METTL25: variants seen among roughly 807,000 people sequenced by gnomAD.
The protein encoded by METTL25 is probable methyltransferase-like protein 25.
METTL25 carries 64 observed loss-of-function variants against 71.6 expected under a neutral mutation model. The observed-to-expected ratio is 0.89, with a 90% CI of 0.73 to 1.10. METTL25 has a LOEUF of 1.10. Ranked by LOEUF, METTL25 falls within the 50% of genes least tolerant of loss-of-function variation. The pLI, the probability that METTL25 is intolerant of heterozygous loss-of-function variation, is 0.00. For synonymous variants in METTL25, 287 were observed against 250.3 expected (o/e 1.15, Z -1.38); for missense variants, 807 against 707.0 (o/e 1.14, Z -1.60).
At chr12:82,422,996 C>T (rs529983818) in intron 5 of METTL25, among the ~76,000 whole-genome samples, 142 of 152,254 alleles carry the variant, frequency 9.3e-4, no homozygotes, top group Middle Eastern at 3.4e-3. Flanking sequence ...GATTCATTGC[C>T]ATCCCCATCA....
chr12:82,456,924 T>A, intron 9 of METTL25, 104 bp downstream of exon 9: 1 of 489,886 alleles, frequency 2.0e-6, no homozygotes, highest in Non-Finnish European at 3.3e-6. Flanking sequence ...TTTCTCTCAT[T>A]TGTGAAAAGG....
At chr12:82,453,522 A>G (rs1015074329) in intron 8 of METTL25, among the ~76,000 whole-genome samples, 1 of 152,198 alleles carries the variant, frequency 6.6e-6, no homozygotes, top group Admixed American at 6.5e-5. Context: ...TAATAATGGG[A>G]CCTACCACAT....
rs189877997 is a variant in METTL25 at position 82,420,478 on chromosome 12, T to G, written c.1280-10415T>G. On this transcript the variant is annotated intron_variant, in intron 5 of 11. Coordinates refer to ENST00000248306, the MANE Select transcript of METTL25 (RefSeq NM_032230.3). ...TTATTTCCAAACACATGAAGTTGTA[T>G]ACATTACATATCTGCAGCTTTTTAT... Among the ~76,000 whole-genome samples, 131 of 152,186 alleles carry G rather than the reference T, an allele frequency of 8.6e-4. 1 individual carries two copies. The East Asian group carries it at 0.024, about 27-fold the overall frequency.
At chr12:82,456,675 A>G (rs937840797) in intron 8 of METTL25, 52 bp from the exon 9 acceptor site, 24 of 978,038 alleles carry the variant, frequency 2.5e-5, no homozygotes, top group Non-Finnish European at 3.5e-5. Flanking sequence ...AATTAAAACC[A>G]TCTAAAATTT....
chr12:82,435,620 C>G (rs1002997189), intron 7 of METTL25, among the ~76,000 whole-genome samples: 1 of 151,242 alleles, frequency 6.6e-6, no homozygotes, highest in African/African-American at 2.4e-5. Flanking sequence ...CTTACTAGTT[C>G]ATAACCCTGG....
At chr12:82,462,982 A>T (rs1478781756) in intron 9 of METTL25, among the ~76,000 whole-genome samples, 1 of 152,082 alleles carries the variant, frequency 6.6e-6, no homozygotes, top group Admixed American at 6.6e-5. Context: ...TATGATATAC[A>T]TAGTGATGTT....
chr12:82,429,065 G>A (rs552260876), intron 5 of METTL25, among the ~76,000 whole-genome samples: 1 of 151,806 alleles, frequency 6.6e-6, no homozygotes, highest in African/African-American at 2.4e-5. Flanking sequence ...ATCTCTTCTA[G>A]CTGTTTTTAA....
At chr12:82,465,053 G>C (rs1892139227) in intron 9 of METTL25, among the ~76,000 whole-genome samples, 1 of 151,540 alleles carries the variant, frequency 6.6e-6, no homozygotes. Flanking sequence ...CTGGAAAGAG[G>C]GATAATTTTA....
intron 1 of METTL25, 101 bp downstream of exon 1, chr12:82,358,925 C>T (rs751210220): frequency 2.2e-4 from 297 of 1,346,006 alleles, no homozygotes; most frequent in Non-Finnish European, 2.8e-4. Flanking sequence ...AGGTGCGTGG[C>T]GGCGGAGGCG....
chr12:82,387,059 A>G, intron 2 of METTL25, 92 bp downstream of exon 2: 2 of 1,057,772 alleles, frequency 1.9e-6, no homozygotes, highest in East Asian at 4.9e-5. Flanking sequence ...AATATTATTA[A>G]TTTATTGTTA....
In METTL25 at chr12:82,398,880, C is replaced by T. The variant is rs1346942440; in HGVS notation, c.617C>T (p.Ser206Leu). The T allele has an allele frequency of 3.1e-6, 5 of 1,606,062 alleles. No homozygotes were observed. The highest frequency in any genetic ancestry group is 3.4e-6 in the Non-Finnish European group (4 of 1,177,732). The change falls in exon 4 of 12, where the codon TCA becomes TTA. Residue 206 changes from serine (S) to leucine (L), a missense_variant. Coordinates refer to ENST00000248306, the MANE Select transcript of METTL25 (RefSeq NM_032230.3). ...TTAAAAGTTTATGGAATTGATTCTTCAAATACCAATACTCATGGAGCTGAG... is the reference window on the plus strand; with the variant it reads ...TTAAAAGTTTATGGAATTGATTCTTTAAATACCAATACTCATGGAGCTGAG... ...YGLKVYGIDS[S>L]NTNTHGAEER... is the part of the protein sequence containing the mutation.
intron 8 of METTL25, chr12:82,439,719 T>C (rs1890181312): frequency 4.8e-6 from 1 of 207,890 alleles, no homozygotes; most frequent in African/African-American, 2.4e-5. Context: ...AAACTGAATT[T>C]TTCATGTGCT....
chr12:82,478,413 G>A (rs1246687286), intron 11 of METTL25, among the ~76,000 whole-genome samples: 1 of 151,496 alleles, frequency 6.6e-6, no homozygotes, highest in Non-Finnish European at 1.5e-5. Context: ...AGAAAATTAA[G>A]AGTAGTCATA....
intron 8 of METTL25, among the ~76,000 whole-genome samples, chr12:82,449,264 A>G (rs1890968251): frequency 6.6e-6 from 1 of 152,120 alleles, no homozygotes; most frequent in Non-Finnish European, 1.5e-5. Flanking sequence ...CACTTTTCTA[A>G]GTTTCAAATG....
intron 1 of METTL25, among the ~76,000 whole-genome samples, chr12:82,385,323 A>AT (rs1050734924): frequency 7.8e-4 from 119 of 152,002 alleles, no homozygotes; most frequent in African/African-American, 2.8e-3. Context: ...GTGTTTAAGA[A>AT]TTTTTTTTAA....
chr12:82,393,107 T>C (rs550031438), intron 3 of METTL25, among the ~76,000 whole-genome samples: 1 of 152,104 alleles, frequency 6.6e-6, no homozygotes, highest in African/African-American at 2.4e-5. Flanking sequence ...GCTTTGGCTG[T>C]TCTCTGTCTT....
At chr12:82,394,963 T>A (rs758858336) in intron 3 of METTL25, among the ~76,000 whole-genome samples, 9 of 151,672 alleles carry the variant, frequency 5.9e-5, no homozygotes, top group Non-Finnish European at 1.2e-4. Context: ...GGAAGTCAGA[T>A]TGAACAAGCA....
intron 1 of METTL25, 77 bp from the exon 2 acceptor site, chr12:82,386,726 T>G: frequency 8.5e-7 from 1 of 1,181,184 alleles, no homozygotes; most frequent in East Asian, 2.4e-5. Context: ...AATTAAGTGT[T>G]CATTTGTTGT....
intron 2 of METTL25, 36 bp from the exon 3 acceptor site, chr12:82,389,780 T>C: frequency 8.2e-7 from 1 of 1,223,762 alleles, no homozygotes; most frequent in Non-Finnish European, 1.2e-6. Flanking sequence ...TAAATTTTGA[T>C]TCTTTAATAG....
Sources: gnomAD v4.1 joint callset for allele counts (sites outside exome capture counted in the v4.1 genomes callset) on GRCh38, gnomAD v4.1.1 for gene constraint, MANE v1.5 for transcripts, NCBI Gene and HGNC (gene_info 2026-07-23, HGNC 2026-07-21) for gene names.